NPAS3: variants seen among roughly 807,000 people sequenced by gnomAD.
NPAS3 encodes the protein neuronal PAS domain-containing protein 3.
NPAS3 carries 14 observed loss-of-function variants against 73.1 expected under a neutral mutation model. The ratio of observed to expected loss-of-function variants is 0.19; its 90% CI spans 0.13 to 0.30. The LOEUF is 0.30. NPAS3 is among the 10% of genes least tolerant of loss of function. The probability of loss-of-function intolerance (pLI) is 1.00; values close to 1 mark genes in which losing one functional copy is unlikely to be tolerated. For missense variants in NPAS3, 1,096 were observed against 1,250.0 expected (o/e 0.88, Z 1.86); for synonymous variants, 620 against 541.5 (o/e 1.14, Z -2.01).
intron 1 of NPAS3, among the ~76,000 whole-genome samples, chr14:32,943,586 A>G (rs753309835): frequency 1.8e-4 from 28 of 151,806 alleles, no homozygotes; most frequent in Admixed American, 4.6e-4. Context: ...GAGGTTTTCT[A>G]TGGCTTCTGT....
intron 4 of NPAS3, among the ~76,000 whole-genome samples, chr14:33,467,034 A>G (rs2050559973): frequency 6.6e-6 from 1 of 152,198 alleles, no homozygotes; most frequent in Non-Finnish European, 1.5e-5. Context: ...GTGTTTTACT[A>G]AATCTGTCTG....
chr14:33,436,867 T>C (rs1200758211), intron 4 of NPAS3, among the ~76,000 whole-genome samples: 2 of 152,242 alleles, frequency 1.3e-5, no homozygotes, highest in African/African-American at 4.8e-5. Flanking sequence ...TTGACTTTTT[T>C]AATTAGGAAA....
At chr14:33,197,516 T>A (rs2046412190) in intron 2 of NPAS3, among the ~76,000 whole-genome samples, 1 of 150,520 alleles carries the variant, frequency 6.6e-6, no homozygotes. Flanking sequence ...ACCAGGAGCA[T>A]ATTGTCAGAA....
At chr14:33,734,854 G>A (rs904528806) in intron 6 of NPAS3, among the ~76,000 whole-genome samples, 2 of 152,028 alleles carry the variant, frequency 1.3e-5, no homozygotes, top group African/African-American at 4.8e-5. Context: ...CTGTACCTTA[G>A]TTGACCTCAT....
chr14:33,359,136 G>T (rs1010042873), intron 3 of NPAS3, among the ~76,000 whole-genome samples: 1 of 152,116 alleles, frequency 6.6e-6, no homozygotes, highest in African/African-American at 2.4e-5. Context: ...AGAGAGAGAG[G>T]ATGACTGAAT....
At chr14:32,966,805 C>G (rs1265621527) in intron 1 of NPAS3, among the ~76,000 whole-genome samples, 1 of 150,194 alleles carries the variant, frequency 6.7e-6, no homozygotes, top group African/African-American at 2.4e-5. Flanking sequence ...AAAAAGAACC[C>G]AAATTATGAA....
intron 7 of NPAS3, among the ~76,000 whole-genome samples, chr14:33,757,230 G>A (rs1170328958): frequency 6.6e-6 from 1 of 152,164 alleles, no homozygotes; most frequent in Non-Finnish European, 1.5e-5. Flanking sequence ...AATCAATCAA[G>A]GCTCTTGAGT....
intron 4 of NPAS3, among the ~76,000 whole-genome samples, chr14:33,425,481 A>G (rs1381391992): frequency 6.6e-6 from 1 of 151,480 alleles, no homozygotes; most frequent in Non-Finnish European, 1.5e-5. Context: ...AGTGGATTCA[A>G]GGTTGCTGCA....
At chr14:33,071,977 G>A (rs568724972) in intron 2 of NPAS3, among the ~76,000 whole-genome samples, 8 of 152,064 alleles carry the variant, frequency 5.3e-5, no homozygotes, top group Admixed American at 1.3e-4. Context: ...TGCAATCTCC[G>A]CCTCCCAGGT....
chr14:33,667,738 A>G (rs1357885153), intron 5 of NPAS3, among the ~76,000 whole-genome samples: 1 of 152,154 alleles, frequency 6.6e-6, no homozygotes, highest in East Asian at 1.9e-4. Flanking sequence ...CACCATGGCC[A>G]TGGTGCACAC....
chr14:33,463,525 G>A (rs1234567978), intron 4 of NPAS3, among the ~76,000 whole-genome samples: 6 of 152,086 alleles, frequency 3.9e-5, no homozygotes, highest in Non-Finnish European at 5.9e-5. Context: ...TACTTAAACA[G>A]CTCTACACAT....
At chr14:33,152,345 C>T (rs1221421268) in intron 2 of NPAS3, among the ~76,000 whole-genome samples, 1 of 152,090 alleles carries the variant, frequency 6.6e-6, no homozygotes, top group Non-Finnish European at 1.5e-5. Flanking sequence ...TCTCTTTCTT[C>T]TCCTGTTTCT....
chr14:33,243,925 T>G (rs1416878774), intron 3 of NPAS3, among the ~76,000 whole-genome samples: 1 of 152,134 alleles, frequency 6.6e-6, no homozygotes, highest in East Asian at 1.9e-4. Flanking sequence ...AGGGAAAAAT[T>G]ACTATTGCTT....
At chr14:33,289,854 C>T (rs986903649) in intron 3 of NPAS3, among the ~76,000 whole-genome samples, 3 of 151,962 alleles carry the variant, frequency 2.0e-5, no homozygotes, top group Non-Finnish European at 4.4e-5. Flanking sequence ...CTTGTCTTTA[C>T]CCCAGAAATT....
intron 3 of NPAS3, among the ~76,000 whole-genome samples, chr14:33,239,066 G>A (rs2048132021): frequency 6.6e-6 from 1 of 151,944 alleles, no homozygotes; most frequent in African/African-American, 2.4e-5. Context: ...AATGAAACCA[G>A]CATGTTTATG....
At chr14:33,175,893 A>G (rs1021545361) in intron 2 of NPAS3, among the ~76,000 whole-genome samples, 1 of 152,194 alleles carries the variant, frequency 6.6e-6, no homozygotes, top group African/African-American at 2.4e-5. Context: ...TTGAATCAAT[A>G]GTATTTGAGT....
At chr14:33,033,304 C>A (rs961155664) in intron 1 of NPAS3, among the ~76,000 whole-genome samples, 2 of 151,944 alleles carry the variant, frequency 1.3e-5, no homozygotes, top group East Asian at 1.9e-4. Context: ...CATGGTGAAA[C>A]CTTGTCTCTA....
In NPAS3 at chr14:33,360,011, T is replaced by A. The variant is rs563032050; in HGVS notation, c.386-7175T>A. On this transcript the variant is annotated intron_variant, in intron 3 of 11. Transcript: ENST00000356141. Reference sequence around the variant, plus strand: ...AGAGCACCTTCTTACGTCAAGAATGTGTTCAGGCTTGGAGCCTGGACAGGG... The same window carrying A: ...AGAGCACCTTCTTACGTCAAGAATGAGTTCAGGCTTGGAGCCTGGACAGGG... 4.6e-5 allele frequency among the ~76,000 whole-genome samples: 7 copies of A among 152,358 alleles called. No homozygotes were observed. In the South Asian group the frequency reaches 1.4e-3, roughly 32 times the overall value.
In NPAS3 at chr14:33,621,913, G is replaced by C. The variant is rs558238212; in HGVS notation, c.559-54298G>C. 7.9e-5 allele frequency among the ~76,000 whole-genome samples: 12 copies of C among 152,252 alleles called. No individual in the cohort carries two copies. The East Asian group carries it at 2.3e-3, about 29-fold the overall frequency. On this transcript the variant is annotated intron_variant, in intron 5 of 11. Coordinates refer to ENST00000356141, the Ensembl canonical transcript of NPAS3. ...CAAAATGCCATTTCTGTAATGGAGA[G>C]TAATTTGAAATAAACTCCTGCTTGG...
Sources: allele counts gnomAD v4.1 joint callset (sites outside exome capture counted in the v4.1 genomes callset), GRCh38; gene constraint gnomAD v4.1.1; transcripts MANE v1.5; gene names NCBI Gene and HGNC (gene_info 2026-07-23, HGNC 2026-07-21).